The following SLC36A1 variants were observed in gnomAD, a reference collection of about 807,000 sequenced individuals.
SLC36A1 encodes the protein solute carrier family 36 member 1.
Under a neutral mutation model 47.5 loss-of-function variants are expected in SLC36A1, and 30 were observed. That is an observed-to-expected ratio of 0.63 (90% CI 0.47 to 0.86). The LOEUF (loss-of-function observed/expected upper bound fraction) is 0.86. Ranked by LOEUF, SLC36A1 falls within the 40% of genes least tolerant of loss-of-function variation. The pLI, the probability that SLC36A1 is intolerant of heterozygous loss-of-function variation, is 0.00. For missense variants in SLC36A1, 517 were observed against 606.0 expected (o/e 0.85, Z 1.54); for synonymous variants, 255 against 249.7 (o/e 1.02, Z -0.20).
At chr5:151,525,984 A>G in the SLC36A1 span, 6 of 1,612,020 alleles carry the variant, frequency 3.7e-6, no homozygotes, top group Non-Finnish European at 5.1e-6. Context: ...GAGAGTGACA[A>G]AGAAGGCAAA....
the SLC36A1 span, chr5:151,544,730 A>AATC: frequency 3.1e-6 from 5 of 1,614,072 alleles, no homozygotes; most frequent in African/African-American, 6.7e-5. Context: ...AAAGCTTGAT[A>AATC]ATCAAAGGGT....
the SLC36A1 span, among the ~76,000 whole-genome samples, chr5:151,360,308 C>G: frequency 6.6e-6 from 1 of 152,048 alleles, no homozygotes; most frequent in African/African-American, 2.4e-5. Context: ...TTAACGCACA[C>G]TTTGTATGTT....
chr5:151,466,698 T>C (rs1191166423), intron 5 of SLC36A1, among the ~76,000 whole-genome samples: 14 of 152,296 alleles, frequency 9.2e-5, no homozygotes, highest in Non-Finnish European at 1.0e-4. Flanking sequence ...TGTCAAGGGC[T>C]CCCTGTAACT....
the SLC36A1 span, chr5:151,366,487 C>T: frequency 3.3e-6 from 1 of 302,726 alleles, no homozygotes. Context: ...TCCCACAAAG[C>T]CCAGGATGCT....
the SLC36A1 span, among the ~76,000 whole-genome samples, chr5:151,412,918 A>G: frequency 6.9e-6 from 1 of 144,416 alleles, no homozygotes; most frequent in African/African-American, 2.5e-5. Context: ...GTGACTGCTC[A>G]GCCTTCAGAG....
the SLC36A1 span, among the ~76,000 whole-genome samples, chr5:151,388,733 AGT>A: frequency 6.6e-6 from 1 of 152,064 alleles, no homozygotes; most frequent in African/African-American, 2.4e-5. Context: ...GAGATCAGAG[AGT>A]GTGTGATGTT....
intron 8 of SLC36A1, 137 bp from the exon 9 acceptor site, chr5:151,476,452 CT>C (rs1192544165): frequency 2.0e-5 from 13 of 647,284 alleles, no homozygotes; most frequent in Non-Finnish European, 3.3e-5. Context: ...GATGAAATAA[CT>C]TTATTTAAAG....
chr5:151,395,354 C>T, the SLC36A1 span, among the ~76,000 whole-genome samples: 9 of 152,226 alleles, frequency 5.9e-5, no homozygotes, highest in Admixed American at 3.3e-4. Flanking sequence ...TTGCGCTTCC[C>T]GGGTGAGGTG....
the SLC36A1 span, among the ~76,000 whole-genome samples, chr5:151,515,381 C>T: frequency 1.4e-4 from 22 of 152,188 alleles, no homozygotes; most frequent in Non-Finnish European, 2.8e-4. Context: ...TCTCCCATCT[C>T]ATGGCTTTCA....
At chr5:151,417,564 T>C in the SLC36A1 span, among the ~76,000 whole-genome samples, 2 of 152,126 alleles carry the variant, frequency 1.3e-5, no homozygotes, top group Admixed American at 6.5e-5. Context: ...TTGAGAGACA[T>C]GATTTAGGGT....
the SLC36A1 span, among the ~76,000 whole-genome samples, chr5:151,426,719 A>G: frequency 3.3e-5 from 5 of 151,640 alleles, no homozygotes; most frequent in Non-Finnish European, 7.4e-5. Flanking sequence ...CAGACCCTTT[A>G]TGGGTGTCGG....
chr5:151,553,246 G>T, the SLC36A1 span: 2 of 1,614,210 alleles, frequency 1.2e-6, no homozygotes, highest in Non-Finnish European at 1.7e-6. Flanking sequence ...TGGTTCACAG[G>T]GTCCGTCTCC....
the SLC36A1 span, among the ~76,000 whole-genome samples, chr5:151,400,784 C>T: frequency 8.5e-5 from 13 of 152,156 alleles, no homozygotes; most frequent in Admixed American, 3.3e-4. Flanking sequence ...TGATGTTGAG[C>T]ATTTTTTCAT....
the SLC36A1 span, chr5:151,550,910 C>A: frequency 6.3e-7 from 1 of 1,596,710 alleles, no homozygotes; most frequent in Non-Finnish European, 8.5e-7. Context: ...ACTGCAAGCC[C>A]CAGGGGAACA....
At chr5:151,521,097 T>C in the SLC36A1 span, among the ~76,000 whole-genome samples, 2 of 152,222 alleles carry the variant, frequency 1.3e-5, no homozygotes, top group Admixed American at 1.3e-4. Flanking sequence ...GAGAATTGGG[T>C]ATTATTCCAT....
At chr5:151,505,320 C>G in the SLC36A1 span, 1 of 562,326 alleles carries the variant, frequency 1.8e-6, no homozygotes, top group Middle Eastern at 4.7e-4. Flanking sequence ...TTTCCAGGGT[C>G]ACTGCTCTAG....
the SLC36A1 span, among the ~76,000 whole-genome samples, chr5:151,367,358 T>A: frequency 9.0e-6 from 1 of 111,430 alleles, no homozygotes; most frequent in Non-Finnish European, 1.7e-5. Context: ...CCCCCAGGAA[T>A]GCATTTTTTT....
At chr5:151,512,717 G>GT in the SLC36A1 span, 1 of 998,428 alleles carries the variant, frequency 1.0e-6, no homozygotes, top group South Asian at 1.7e-5. The surrounding 1 kb of genome is among the most constrained non-coding windows in gnomAD (Gnocchi z 4.1). Flanking sequence ...TAGGAGGGGG[G>GT]TGTTTGGCTG....
the SLC36A1 span, chr5:151,531,915 G>A: frequency 2.5e-6 from 4 of 1,614,230 alleles, no homozygotes; most frequent in Non-Finnish European, 3.4e-6. The surrounding 1 kb of genome is among the most constrained non-coding windows in gnomAD (Gnocchi z 5.7). Flanking sequence ...TGGCGTCGAT[G>A]GAAAAGTGGC....
Sources: allele counts gnomAD v4.1 joint callset (sites outside exome capture counted in the v4.1 genomes callset), GRCh38; gene constraint gnomAD v4.1.1; non-coding constraint Gnocchi (gnomAD v3.1); transcripts MANE v1.5; gene names NCBI Gene and HGNC (gene_info 2026-07-23, HGNC 2026-07-21).